The following TNNI3K variants were observed in gnomAD, a reference collection of about 807,000 sequenced individuals.
TNNI3K encodes serine/threonine-protein kinase TNNI3K.
In TNNI3K, 140 loss-of-function variants were observed where a neutral mutation model predicts 114.5. The ratio of observed to expected loss-of-function variants is 1.22; its 90% CI spans 1.07 to 1.41. The LOEUF (loss-of-function observed/expected upper bound fraction) is 1.41, where lower values mean the gene tolerates loss of function less well. Ranked by LOEUF, TNNI3K falls within the 40% of genes most tolerant of loss-of-function variation. The pLI is 0.00. For missense variants in TNNI3K, 1,125 were observed against 1,007.6 expected (o/e 1.12, Z -1.58); for synonymous variants, 347 against 347.5 (o/e 1.00, Z 0.02).
chr1:74,419,675 T>C (rs2100631964), intron 17 of TNNI3K, among the ~76,000 whole-genome samples: 1 of 152,268 alleles, frequency 6.6e-6, no homozygotes, highest in African/African-American at 2.4e-5. Context: ...ATATTCAGCA[T>C]ATATATGAAA....
chr1:74,436,356 G>A, intron 18 of TNNI3K, 118 bp from the exon 19 acceptor site: 5 of 1,264,864 alleles, frequency 4.0e-6, no homozygotes, highest in Non-Finnish European at 5.4e-6. Flanking sequence ...GCCAAGAGAA[G>A]GGAAGTGAGA....
intron 5 of TNNI3K, among the ~76,000 whole-genome samples, chr1:74,292,674 AGTT>A (rs1165226815): frequency 6.6e-6 from 1 of 151,592 alleles, no homozygotes; most frequent in African/African-American, 2.4e-5. Context: ...TGCATTCTGC[AGTT>A]GTTTGCTACA....
rs78211006 is a variant in TNNI3K at position 74,334,497 on chromosome 1, C to G, written c.544-1514C>G. Among the ~76,000 whole-genome samples the G allele has an allele frequency of 1.1e-3, 166 of 152,278 alleles. 4 individuals carry two copies. In the East Asian group the frequency reaches 0.029, roughly 26 times the overall value. ...GGATTCAGAGGCATCCTAACTTAAC[C>G]TTAGTATCACTGAGGTGACTTTTGA... On this transcript the variant is annotated intron_variant, in intron 6 of 24. Coordinates refer to ENST00000326637, the MANE Select transcript of TNNI3K (RefSeq NM_015978.3).
intron 17 of TNNI3K, among the ~76,000 whole-genome samples, chr1:74,430,766 C>T (rs534173350): frequency 6.6e-6 from 1 of 152,194 alleles, no homozygotes; most frequent in South Asian, 2.1e-4. Flanking sequence ...AGAGCCAAAT[C>T]CAAATACTGT....
chr1:74,238,465 A>T (rs1332005530), intron 2 of TNNI3K, among the ~76,000 whole-genome samples: 1 of 152,052 alleles, frequency 6.6e-6, no homozygotes, highest in Non-Finnish European at 1.5e-5. Context: ...ATAAATAAGG[A>T]CAGTTTGAAG....
intron 22 of TNNI3K, among the ~76,000 whole-genome samples, chr1:74,490,490 A>G (rs1669012350): frequency 6.6e-6 from 1 of 152,252 alleles, no homozygotes; most frequent in African/African-American, 2.4e-5. Context: ...ATCTACAAAC[A>G]TGATAGGATC....
At chr1:74,287,577 A>C (rs111235557) in intron 5 of TNNI3K, among the ~76,000 whole-genome samples, 19 of 152,310 alleles carry the variant, frequency 1.2e-4, no homozygotes, top group African/African-American at 4.6e-4. Context: ...GAGACAAATC[A>C]ACTCAAAATT....
chr1:74,334,011 C>T (rs1660345336), intron 6 of TNNI3K, among the ~76,000 whole-genome samples: 1 of 152,166 alleles, frequency 6.6e-6, no homozygotes, highest in Admixed American at 6.5e-5. Flanking sequence ...GCACATGCTC[C>T]AAGTTGGGGC....
At chr1:74,475,308 T>C (rs1668140315) in intron 21 of TNNI3K, 2 of 669,912 alleles carry the variant, frequency 3.0e-6, no homozygotes, top group Non-Finnish European at 5.5e-6. Context: ...CTGTTCTTAT[T>C]ATATGGTGTT....
chr1:74,501,514 A>G (rs1669630687), intron 23 of TNNI3K, among the ~76,000 whole-genome samples: 2 of 121,672 alleles, frequency 1.6e-5, no homozygotes, highest in South Asian at 5.3e-4. Flanking sequence ...GTTTTTTGAG[A>G]CTGGCTCTGT....
At chr1:74,465,571 C>T (rs566654702) in intron 21 of TNNI3K, among the ~76,000 whole-genome samples, 1 of 152,202 alleles carries the variant, frequency 6.6e-6, no homozygotes, top group Admixed American at 6.5e-5. Context: ...TGGCCCGAGC[C>T]TCTCCTATGG....
chr1:74,281,755 A>G (rs1366982450), intron 5 of TNNI3K, among the ~76,000 whole-genome samples: 2 of 152,038 alleles, frequency 1.3e-5, no homozygotes, highest in Admixed American at 6.6e-5. Context: ...TTAAAAATCA[A>G]GAAACATTGG....
chr1:74,450,499 A>G (rs992874131), intron 20 of TNNI3K, among the ~76,000 whole-genome samples: 24 of 152,310 alleles, frequency 1.6e-4, no homozygotes, highest in Middle Eastern at 3.4e-3. Context: ...TTTATTATCT[A>G]TCTATCTGAA....
At chr1:74,314,967 A>G (rs1417892) in intron 5 of TNNI3K, among the ~76,000 whole-genome samples, 14,232 of 152,176 alleles carry the variant, frequency 0.094, 813 homozygotes, top group African/African-American at 0.15. Context: ...TGCCTATTTT[A>G]TTATGAAAAA....
rs2100519506 is a variant in TNNI3K, at chr1:74,369,105, A to G, written c.1405A>G (p.Ile469Val). The G allele has an allele frequency of 6.2e-7, 1 of 1,609,486 alleles. No homozygotes were observed. The highest frequency in any genetic ancestry group is 1.1e-5 in the South Asian group (1 of 90,018). ...CTCAGAAATTGAGTTCCATGAGATT[A>G]TTGGCTCAGGTAACCTAAAATAAAT... ...QLSEIEFHEI[I>V]GSGSFGKVYK... is the part of the protein sequence containing the mutation. Residue 469 changes from isoleucine to valine, a missense_variant, in exon 14 of 25, where the codon ATT (isoleucine) becomes GTT (valine). Physicochemically the swap from Ile to Val is conservative, Grantham distance 29. Transcript: ENST00000326637.
At chr1:74,500,356 C>A (rs1426402510) in intron 23 of TNNI3K, among the ~76,000 whole-genome samples, 1 of 151,618 alleles carries the variant, frequency 6.6e-6, no homozygotes, top group Non-Finnish European at 1.5e-5. Flanking sequence ...ATTATTTAAG[C>A]CTTGGGAGGC....
rs1159085801 is a variant in TNNI3K at position 74,354,110 on chromosome 1, G to T, written c.1158G>T (p.Leu386Phe). 1.2e-6 allele frequency: 2 copies of T among 1,614,028 alleles called. No individual in the cohort carries two copies. The highest frequency in any genetic ancestry group is 1.7e-6 in the Non-Finnish European group (2 of 1,179,968). Residue 386 changes from leucine to phenylalanine, a missense_variant, in exon 11 of 25, where the codon TTG (leucine) becomes TTT (phenylalanine). By Grantham distance (22) the Leu-to-Phe change is conservative. Coordinates refer to ENST00000326637, the MANE Select transcript of TNNI3K (RefSeq NM_015978.3). The part of the protein sequence containing the change: ...SSGEKDEQTC[L>F]MWAYEKGHDA... ...GTGAAAAAGATGAGCAGACATGTTT[G>T]ATGTGGGCTTATGAAAAAGGTATAT...
chr1:74,382,184 A>G (rs1472556348), intron 17 of TNNI3K, among the ~76,000 whole-genome samples: 1 of 152,210 alleles, frequency 6.6e-6, no homozygotes, highest in Non-Finnish European at 1.5e-5. Context: ...GATTCCCAAG[A>G]GACAATTCTC....
At position 74,287,326 on chromosome 1, in the gene TNNI3K, T is replaced by C. The variant is rs570234787; in HGVS notation, c.444+15618T>C. On this transcript the variant is annotated intron_variant, in intron 5 of 24. Transcript: ENST00000326637. ...GAAAGATATCATGACAGAAAACTTTTCAAGTTTGGAAAGGGAAATGAATAT... is the reference window on the plus strand; with the variant it reads ...GAAAGATATCATGACAGAAAACTTTCCAAGTTTGGAAAGGGAAATGAATAT... Among the ~76,000 whole-genome samples the C allele has an allele frequency of 2.0e-5, 3 of 152,180 alleles. No individual in the cohort carries two copies. The East Asian group carries it at 5.8e-4, about 29-fold the overall frequency.
Sources: allele counts gnomAD v4.1 joint callset (sites outside exome capture counted in the v4.1 genomes callset), GRCh38; gene constraint gnomAD v4.1.1; transcripts MANE v1.5; gene names NCBI Gene and HGNC (gene_info 2026-07-23, HGNC 2026-07-21).